The following GABRA5 variants were observed in gnomAD, a reference collection of about 807,000 sequenced individuals.
GABRA5 encodes gamma-aminobutyric acid receptor subunit alpha-5.
In GABRA5, 18 loss-of-function variants were observed where a neutral mutation model predicts 47.3. The ratio of observed to expected loss-of-function variants is 0.38; its 90% confidence interval spans 0.26 to 0.56. GABRA5 has a LOEUF of 0.56. Among genes scored for constraint, GABRA5 ranks in the 20% least tolerant of loss-of-function variants. The probability of loss-of-function intolerance (pLI) is 0.71; values close to 1 mark genes in which losing one functional copy is unlikely to be tolerated. For missense variants in GABRA5, 365 were observed against 599.3 expected (o/e 0.61, Z 4.08); for synonymous variants, 237 against 229.3 (o/e 1.03, Z -0.30).
At chr15:26,899,542 T>C (rs1893276910) in intron 6 of GABRA5, among the ~76,000 whole-genome samples, 3 of 152,234 alleles carry the variant, frequency 2.0e-5, no homozygotes, top group African/African-American at 7.2e-5. Context: ...GGTTTCCAAC[T>C]GATATTGCAG....
At chr15:26,895,658 A>G (rs985863252) in intron 6 of GABRA5, among the ~76,000 whole-genome samples, 1 of 151,814 alleles carries the variant, frequency 6.6e-6, no homozygotes, top group African/African-American at 2.4e-5. Flanking sequence ...TAAAAATACA[A>G]AAAAAGTAGC....
At position 26,879,529 on chromosome 15, in the gene GABRA5, CT is replaced by C. The variant is rs1246113439; in HGVS notation, c.87-1315del. ...AGGAGTGAATTTTAGCTTGTTAGAG[CT>C]TCAAGTATATGCATTTTTATGGTGA... is the stretch of plus-strand genomic sequence containing the variant. On this transcript the variant is annotated intron_variant, in intron 3 of 10. Coordinates refer to ENST00000335625, the MANE Select transcript of GABRA5 (RefSeq NM_000810.4). 7.9e-5 allele frequency among the ~76,000 whole-genome samples: 12 copies of C among 152,254 alleles called. No homozygotes were observed. The South Asian group carries it at 8.3e-4, about 11-fold the overall frequency.
At chr15:26,874,405 G>A (rs918748204) in intron 3 of GABRA5, among the ~76,000 whole-genome samples, 1 of 152,066 alleles carries the variant, frequency 6.6e-6, no homozygotes, top group African/African-American at 2.4e-5. Context: ...AGAGAAGTGT[G>A]TCCAAGTTTT....
intron 8 of GABRA5, chr15:26,939,153 A>C (rs949132939): frequency 1.3e-6 from 1 of 742,146 alleles, no homozygotes; most frequent in African/African-American, 1.7e-5. Context: ...CATCTCCCCA[A>C]GGTGAGGCAA....
chr15:26,918,333 T>C (rs2140297611), intron 7 of GABRA5, among the ~76,000 whole-genome samples: 1 of 152,318 alleles, frequency 6.6e-6, no homozygotes, highest in Middle Eastern at 3.4e-3. Context: ...CTACTGTGGA[T>C]TTCTGGTTTC....
chr15:26,946,866 C>T (rs1011292940), intron 10 of GABRA5, among the ~76,000 whole-genome samples: 1 of 152,064 alleles, frequency 6.6e-6, no homozygotes, highest in Admixed American at 6.6e-5. Flanking sequence ...ATTAGAAAGC[C>T]CAGGTGTCCA....
intron 6 of GABRA5, among the ~76,000 whole-genome samples, chr15:26,902,290 T>A (rs1449768797): frequency 1.3e-5 from 2 of 152,132 alleles, no homozygotes; most frequent in Non-Finnish European, 2.9e-5. Context: ...GGAATTTATC[T>A]CCATTTTGTT....
At chr15:26,877,885 G>A (rs1449977402) in intron 3 of GABRA5, among the ~76,000 whole-genome samples, 1 of 152,216 alleles carries the variant, frequency 6.6e-6, no homozygotes, top group Non-Finnish European at 1.5e-5. Context: ...ACTGTTGTTA[G>A]TAATAGGGAT....
intron 6 of GABRA5, among the ~76,000 whole-genome samples, chr15:26,884,723 A>G (rs1468774581): frequency 6.6e-6 from 1 of 152,208 alleles, no homozygotes; most frequent in Non-Finnish European, 1.5e-5. Context: ...TCAAGCTTTT[A>G]AAGAACTAAA....
chr15:26,901,480 G>A (rs1893325732), intron 6 of GABRA5, among the ~76,000 whole-genome samples: 2 of 152,062 alleles, frequency 1.3e-5, no homozygotes, highest in African/African-American at 4.8e-5. Flanking sequence ...TGTTTGTTAA[G>A]GTCTTTTATC....
chr15:26,875,398 G>A (rs1892571320), intron 3 of GABRA5, among the ~76,000 whole-genome samples: 1 of 152,232 alleles, frequency 6.6e-6, no homozygotes, highest in Admixed American at 6.5e-5. Flanking sequence ...GAGATGCACA[G>A]AGCAGAGCAG....
chr15:26,925,666 C>T (rs1841700472), intron 7 of GABRA5, among the ~76,000 whole-genome samples: 1 of 152,132 alleles, frequency 6.6e-6, no homozygotes, highest in Admixed American at 6.5e-5. Flanking sequence ...ATTGCGTTTT[C>T]TCTTGAGCAC....
rs186103186 is a variant in GABRA5, at chr15:26,900,227, C to T, written c.498-14576C>T. On this transcript the variant is annotated intron_variant, in intron 6 of 10. Transcript: ENST00000335625. ...GTATCTTTACACATAGTTTGTGTAA[C>T]ATAGATTTGTAAATATTTATTAACA... Among the ~76,000 whole-genome samples, 527 of 152,180 alleles carry T rather than the reference C, an allele frequency of 3.5e-3. 4 individuals are homozygous for T. Among genetic ancestry groups the T allele is most frequent in the African/African-American group, 0.012 (501 of 41,540 alleles).
At chr15:26,921,946 C>A (rs955715481) in intron 7 of GABRA5, among the ~76,000 whole-genome samples, 1 of 152,066 alleles carries the variant, frequency 6.6e-6, no homozygotes, top group African/African-American at 2.4e-5. Context: ...TCCACCATAT[C>A]CAGAGAATGC....
chr15:26,943,539 T>C, intron 10 of GABRA5, 113 bp downstream of exon 10: 1 of 946,830 alleles, frequency 1.1e-6, no homozygotes, highest in Middle Eastern at 2.9e-4. Context: ...AGCCCCCGAA[T>C]GCTCCTTTCC....
At chr15:26,917,711 G>C (rs1453860261) in intron 7 of GABRA5, among the ~76,000 whole-genome samples, 4 of 151,858 alleles carry the variant, frequency 2.6e-5, no homozygotes, top group African/African-American at 9.7e-5. Flanking sequence ...TTGTTGGGAG[G>C]TTTTTGATTA....
rs1400017068 is a variant in GABRA5, at chr15:26,883,479, A to G, written c.419A>G (p.Lys140Arg). 1 of 1,613,900 alleles carries G rather than the reference A, an allele frequency of 6.2e-7. No homozygotes were observed. The highest frequency in any genetic ancestry group is 8.5e-7 in the Non-Finnish European group (1 of 1,179,970). ...GACACGTTCTTCCACAACGGGAAGA[A>G]GTCCATCGCTCACAACATGACCACG... Reference protein sequence around the residue: ...TPDTFFHNGKKSIAHNMTTPN... With the variant: ...TPDTFFHNGKRSIAHNMTTPN... Residue 140 changes from lysine to arginine, a missense_variant, in exon 6 of 11, where the codon AAG becomes AGG. Lys to Arg is a conservative substitution (Grantham distance 26, BLOSUM62 2). This residue lies in a region of GABRA5 where 216 missense variants were observed against 335.3 expected (regional missense o/e 0.64). Coordinates refer to ENST00000335625, the MANE Select transcript of GABRA5 (RefSeq NM_000810.4). This position sits in a 1 kb window ranked among gnomAD's most constrained non-coding sequence, Gnocchi z 4.8.
rs893517528 is a variant in GABRA5 at position 26,888,370 on chromosome 15, A to G, written c.497+4813A>G. Among the ~76,000 whole-genome samples, 4 of 152,224 alleles carry G rather than the reference A, an allele frequency of 2.6e-5. No individual in the cohort carries two copies. In the South Asian group the frequency reaches 6.2e-4, roughly 24 times the overall value. On this transcript the variant is annotated intron_variant, in intron 6 of 10. Transcript: ENST00000335625. ...ATGGAGTGAGCCAGTTTACAGAACC[A>G]TGCCCAGAATTAGGCTTCCAGCACT...
chr15:26,919,362 G>T (rs1057128770), intron 7 of GABRA5, among the ~76,000 whole-genome samples: 26 of 142,504 alleles, frequency 1.8e-4, no homozygotes, highest in African/African-American at 6.9e-4. Context: ...TATTTTTTTT[G>T]TATTGATATG....
Sources: gnomAD v4.1 joint callset for allele counts (sites outside exome capture counted in the v4.1 genomes callset) on GRCh38, gnomAD v4.1.1 for gene constraint, gnomAD v4.1.1 regional missense constraint, Gnocchi (gnomAD v3.1) non-coding constraint, MANE v1.5 for transcripts, NCBI Gene and HGNC (gene_info 2026-07-23, HGNC 2026-07-21) for gene names.